Variants in ZNF211 observed in about 807,000 individuals in gnomAD.
ZNF211 encodes the protein zinc finger protein 211, also known as zinc finger protein C2H2-25.
In ZNF211, 18 loss-of-function variants were observed where a neutral mutation model predicts 12.1. The ratio of observed to expected loss-of-function variants is 1.48; its 90% confidence interval spans 1.03 to 2.20. The LOEUF (loss-of-function observed/expected upper bound fraction) is 2.20. Ranked by LOEUF, ZNF211 falls within the 30% of genes most tolerant of loss-of-function variation. ZNF211 has a pLI of 0.00. For missense variants in ZNF211, 677 were observed against 703.1 expected (o/e 0.96, Z 0.42); for synonymous variants, 249 against 246.0 (o/e 1.01, Z -0.11).
At position 57,641,390 on chromosome 19, in the gene ZNF211, A is replaced by G; in HGVS notation, c.943A>G (p.Ile315Val). 1 of 1,611,564 alleles carries G rather than the reference A, an allele frequency of 6.2e-7. No individual in the cohort carries two copies. Among genetic ancestry groups the G allele is most frequent in the East Asian group, 2.2e-5 (1 of 44,748 alleles). ...KFFTYYSSFI[I>V]HQRVHTGERP... ...CTTTACCTACTACTCCAGTTTCATT[A>G]TACATCAGAGAGTTCATACTGGAGA... Residue 315 changes from isoleucine to valine, a missense_variant, in exon 4 of 4, where the codon ATA (isoleucine) becomes GTA (valine). By Grantham distance (29) the Ile-to-Val change is conservative (BLOSUM62 3). Coordinates refer to ENST00000240731, the MANE Select transcript of ZNF211 (RefSeq NM_006385.5).
chr19:57,641,671 A>G lies in ZNF211; in HGVS notation c.1224A>G (p.Arg408=), dbSNP rs554186613. 1.6e-4 allele frequency: 257 copies of G among 1,612,964 alleles called. 1 individual carries two copies. In the South Asian group the frequency reaches 2.7e-3, roughly 17 times the overall value. ...ACCAGAGAGTTCACACTGGAGAAAG[A>G]CCTCATGAGTGCAATGAATGTGGAA... The part of the protein sequence containing the change: ...IYHQRVHTGE[R]PHECNECGKS... Residue 408 remains arginine (R), a synonymous_variant, in exon 4 of 4, where the codon AGA becomes AGG. Coordinates refer to ENST00000240731, the MANE Select transcript of ZNF211 (RefSeq NM_006385.5).
At chr19:57,639,355 C>CTTT (rs541121788) in intron 3 of ZNF211, among the ~76,000 whole-genome samples, 1 of 34,804 alleles carries the variant, frequency 2.9e-5, no homozygotes, top group Non-Finnish European at 5.6e-5. Flanking sequence ...GTTTGGCTCA[C>CTTT]TTTTTTTTTT....
At chr19:57,640,187 C>A in intron 3 of ZNF211, 1 of 1,185,562 alleles carries the variant, frequency 8.4e-7, no homozygotes, top group African/African-American at 1.5e-5. Context: ...CTTGTTATTT[C>A]TACTACTTGT....
chr19:57,639,831 TC>T, intron 3 of ZNF211: 2 of 1,362,674 alleles, frequency 1.5e-6, no homozygotes, highest in East Asian at 5.1e-5. Context: ...AAACTTAACT[TC>T]TTTAACTTTC....
chr19:57,639,439 T>TA (rs796501524), intron 3 of ZNF211, among the ~76,000 whole-genome samples: 1 of 102,572 alleles, frequency 9.7e-6, no homozygotes, highest in African/African-American at 4.0e-5. Context: ...TTTTTTTTTT[T>TA]AATGGTGTCT....
intron 3 of ZNF211, chr19:57,639,873 G>A: frequency 6.7e-7 from 1 of 1,503,572 alleles, no homozygotes; most frequent in Non-Finnish European, 8.9e-7. Context: ...GTTGTTCTGG[G>A]CCAGTGTTAG....
intron 1 of ZNF211, 143 bp from the exon 2 acceptor site, chr19:57,633,880 G>T: frequency 6.2e-7 from 1 of 1,606,686 alleles, no homozygotes; most frequent in East Asian, 2.2e-5. Flanking sequence ...CTGGTGAGAG[G>T]CAGCACTAAG....
intron 3 of ZNF211, among the ~76,000 whole-genome samples, chr19:57,637,698 C>T (rs1224794456): frequency 6.6e-6 from 1 of 152,102 alleles, no homozygotes; most frequent in East Asian, 1.9e-4. Context: ...GGATATTGGT[C>T]TGTAGTTTTA....
Position 57,641,799 on chromosome 19 carries a change from C to T in ZNF211, c.1352C>T (p.Ser451Phe). 6.2e-7 allele frequency: 1 copy of T among 1,613,512 alleles called. No individual in the cohort carries two copies. Reference sequence around the variant, plus strand: ...TGTGGGAAGTCATTTAAGCAAAGCTCCAGCTTCAGTTCACATCGGAAAGTC... The same window carrying T: ...TGTGGGAAGTCATTTAAGCAAAGCTTCAGCTTCAGTTCACATCGGAAAGTC... ...SKCGKSFKQS[S>F]SFSSHRKVHT... The change falls in exon 4 of 4, where the codon TCC becomes TTC. Residue 451 changes from serine (S) to phenylalanine (F), a missense_variant. Transcript: ENST00000240731.
At chr19:57,635,288 A>G (rs1310018358) in intron 3 of ZNF211, among the ~76,000 whole-genome samples, 2 of 152,206 alleles carry the variant, frequency 1.3e-5, no homozygotes, top group African/African-American at 4.8e-5. Flanking sequence ...AATCATTTTC[A>G]AGTATATAGT....
In ZNF211 at chr19:57,633,186, T is replaced by C; in HGVS notation, c.-161T>C. On this transcript the variant is annotated 5_prime_UTR_variant, in exon 1 of 4. Transcript: ENST00000240731. ...CCCCCCCAGGGCGGGACTTGTGGCGTCTTCGCAGCGGTCATTTTGGCTGCC... is the reference window on the plus strand; with the variant it reads ...CCCCCCCAGGGCGGGACTTGTGGCGCCTTCGCAGCGGTCATTTTGGCTGCC... The C allele has an allele frequency of 3.1e-6, 2 of 644,214 alleles. No homozygotes were observed. The highest frequency in any genetic ancestry group is 5.0e-6 in the Non-Finnish European group (2 of 401,150). The allele number at this position is 644,214 out of a possible 1,614,324, so 39.9% of individuals were successfully genotyped here. A position where few individuals can be genotyped will look rare whatever the true frequency, so the allele number is the denominator to read the frequency against.
intron 1 of ZNF211, 195 bp from the exon 2 acceptor site, chr19:57,633,828 T>C (rs78737355): frequency 6.3e-7 from 1 of 1,588,488 alleles, no homozygotes; most frequent in South Asian, 1.1e-5. Context: ...GATGAGGACG[T>C]TGAGGCAGAG....
At position 57,641,379 on chromosome 19, in the gene ZNF211, C is replaced by A; in HGVS notation, c.932C>A (p.Ser311Tyr). Residue 311 changes from serine to tyrosine, a missense_variant, in exon 4 of 4, where the codon TCC becomes TAC. Transcript: ENST00000240731. ...TGTGGAAAATTCTTTACCTACTACT[C>A]CAGTTTCATTATACATCAGAGAGTT... ...NECGKFFTYY[S>Y]SFIIHQRVHT... The A allele has an allele frequency of 6.2e-7, 1 of 1,614,148 alleles. No homozygotes were observed. The highest frequency in any genetic ancestry group is 8.5e-7 in the Non-Finnish European group (1 of 1,179,998).
At chr19:57,640,167 A>G in intron 3 of ZNF211, 1 of 1,338,828 alleles carries the variant, frequency 7.5e-7, no homozygotes, top group Non-Finnish European at 9.9e-7. Flanking sequence ...CACTCTTAAC[A>G]GTTTACAAAC....
At position 57,634,081 on chromosome 19, in the gene ZNF211, C is replaced by T. The variant is rs1175406095; in HGVS notation, c.129+20C>T. The T allele has an allele frequency of 3.2e-6, 5 of 1,554,770 alleles. No homozygotes were observed. In the Admixed American group the frequency reaches 6.1e-5, roughly 19 times the overall value. On this transcript the variant is annotated intron_variant, in intron 2 of 3. Transcript: ENST00000240731. ...ACACAGGTAAGTGGAGGTATCTCAG[C>T]CCCTCACTGGTCTGGAATGTCCCTC...
chr19:57,636,127 C>G lies in ZNF211; in HGVS notation c.256+1372C>G, dbSNP rs182384764. 1.2e-3 allele frequency among the ~76,000 whole-genome samples: 177 copies of G among 152,058 alleles called. 1 individual carries two copies. The highest frequency in any genetic ancestry group is 4.2e-3 in the African/African-American group (173 of 41,496). ...TTTTTTATTGAGCTTTAAGGGTTAT[C>G]TGTGTGTTCTAGATATTCCCTTATC... On this transcript the variant is annotated intron_variant, in intron 3 of 3. Coordinates refer to ENST00000240731, the MANE Select transcript of ZNF211 (RefSeq NM_006385.5).
chr19:57,639,408 CTTTTTTTTTT>C (rs55696059), intron 3 of ZNF211, among the ~76,000 whole-genome samples: 43 of 20,762 alleles, frequency 2.1e-3, no homozygotes, highest in East Asian at 2.6e-3. Flanking sequence ...CCTTTATGTA[CTTTTTTTTTT>C]TTTTTTTTTT....
rs985282497 is a variant in ZNF211, at chr19:57,640,813, C to T, written c.366C>T (p.Ala122=). The T allele has an allele frequency of 1.7e-5, 27 of 1,614,050 alleles. No homozygotes were observed. The highest frequency in any genetic ancestry group is 1.6e-4 in the Middle Eastern group (1 of 6,084). ...TSKEGSSSQN[A]DSCEICCLVL... The stretch of plus-strand genomic sequence containing the variant: ...AAGAAGGTTCATCTTCCCAGAATGC[C>T]GACTCCTGTGAAATATGTTGCCTGG... The change falls in exon 4 of 4, where the codon GCC becomes GCT. Residue 122 remains alanine (A), a synonymous_variant. Coordinates refer to ENST00000240731, the MANE Select transcript of ZNF211 (RefSeq NM_006385.5).
Position 57,641,581 on chromosome 19 carries a change from A to C in ZNF211, c.1134A>C (p.Gly378=). 1 of 1,614,070 alleles carries C rather than the reference A, an allele frequency of 6.2e-7. No homozygotes were observed. Among genetic ancestry groups the C allele is most frequent in the Non-Finnish European group, 8.5e-7 (1 of 1,180,014 alleles). ...TGCAGCATCGCAGAGTTCACACTGG[A>C]GAAAGGCCTTATGAATGCAGCGAAT... The part of the protein sequence containing the change: ...NLMQHRRVHT[G]ERPYECSECG... Residue 378 remains glycine, a synonymous_variant, in exon 4 of 4, where the codon GGA becomes GGC. Coordinates refer to ENST00000240731, the MANE Select transcript of ZNF211 (RefSeq NM_006385.5).
Sources: allele counts gnomAD v4.1 joint callset (sites outside exome capture counted in the v4.1 genomes callset), GRCh38; gene constraint gnomAD v4.1.1; transcripts MANE v1.5; gene names NCBI Gene and HGNC (gene_info 2026-07-23, HGNC 2026-07-21).